UAP1: variants seen among roughly 807,000 people sequenced by gnomAD.
UAP1 encodes UDP-N-acetylglucosamine pyrophosphorylase 1.
Under a neutral mutation model 58.5 loss-of-function variants are expected in UAP1, and 25 were observed. The ratio of observed to expected loss-of-function variants is 0.43; its 90% confidence interval spans 0.31 to 0.60. The LOEUF (loss-of-function observed/expected upper bound fraction) is 0.60. Among genes scored for constraint, UAP1 ranks in the 20% least tolerant of loss-of-function variants. The probability of loss-of-function intolerance (pLI) is 0.11; values close to 1 mark genes in which losing one functional copy is unlikely to be tolerated. For synonymous variants in UAP1, 208 were observed against 213.0 expected, an observed-to-expected ratio of 0.98 and a Z score of 0.21; for missense variants, 575 against 630.0, an observed-to-expected ratio of 0.91 and a Z score of 0.93.
rs1654235310 is a variant in UAP1, at chr1:162,577,088, G to T, written c.485+107G>T. ...CACAGACATATTTCTTGTTACTGTT[G>T]ATTTTCTTGGGAGGTATAATTTACT... On this transcript the variant is annotated intron_variant, in intron 3 of 10. Transcript: ENST00000271469. 2.7e-6 allele frequency: 3 copies of T among 1,096,742 alleles called. No individual in the cohort carries two copies. In the South Asian group the frequency reaches 4.7e-5, roughly 17 times the overall value. The allele number at this position is 1,096,742 out of a possible 1,614,324, so 67.9% of individuals were successfully genotyped here.
At chr1:162,582,107 C>T (rs1654629308) in intron 5 of UAP1, among the ~76,000 whole-genome samples, 3 of 152,036 alleles carry the variant, frequency 2.0e-5, no homozygotes, top group Admixed American at 2.0e-4. Context: ...ATAAAATAGA[C>T]AGCAAACATG....
intron 2 of UAP1, among the ~76,000 whole-genome samples, chr1:162,574,009 C>T (rs550554274): frequency 6.6e-6 from 1 of 150,816 alleles, no homozygotes; most frequent in Non-Finnish European, 1.5e-5. Flanking sequence ...GAATAATGTT[C>T]TTGGACTATA....
chr1:162,585,593 T>C (rs953619140), intron 5 of UAP1, among the ~76,000 whole-genome samples: 1 of 152,218 alleles, frequency 6.6e-6, no homozygotes, highest in Non-Finnish European at 1.5e-5. Flanking sequence ...ATAATATAAA[T>C]GGATTCCCAC....
chr1:162,570,236 A>C (rs555301448), intron 2 of UAP1, among the ~76,000 whole-genome samples: 1 of 152,312 alleles, frequency 6.6e-6, no homozygotes, highest in South Asian at 2.1e-4. Context: ...TGATTCCACC[A>C]TACAGAGATA....
At chr1:162,597,527 G>A (rs764951373) in intron 9 of UAP1, 2 of 401,568 alleles carry the variant, frequency 5.0e-6, no homozygotes, top group Admixed American at 4.2e-5. Context: ...TATGTAAGGG[G>A]ACAGTGTGTA....
intron 8 of UAP1, among the ~76,000 whole-genome samples, chr1:162,592,349 A>G (rs781581304): frequency 9.2e-5 from 14 of 152,218 alleles, no homozygotes; most frequent in Non-Finnish European, 1.6e-4. Context: ...AGACTGTACC[A>G]CTGCACTCCG....
At chr1:162,582,864 TGA>T (rs925633034) in intron 5 of UAP1, among the ~76,000 whole-genome samples, 3 of 152,218 alleles carry the variant, frequency 2.0e-5, no homozygotes, top group African/African-American at 7.2e-5. Flanking sequence ...ATACAAGTTT[TGA>T]GAGATTAAGC....
chr1:162,596,863 A>G (rs1437739562), intron 9 of UAP1, among the ~76,000 whole-genome samples: 1 of 152,222 alleles, frequency 6.6e-6, no homozygotes, highest in African/African-American at 2.4e-5. Flanking sequence ...TGAAGTGGCA[A>G]ATAACAAAGA....
intron 2 of UAP1, among the ~76,000 whole-genome samples, chr1:162,568,161 A>T (rs182379419): frequency 6.6e-6 from 1 of 152,174 alleles, no homozygotes; most frequent in African/African-American, 2.4e-5. Context: ...CTTATAGTCT[A>T]TATTTACAAC....
intron 6 of UAP1, 104 bp downstream of exon 6, chr1:162,587,772 C>T: frequency 2.7e-6 from 3 of 1,120,362 alleles, no homozygotes; most frequent in Non-Finnish European, 3.8e-6. Context: ...CCACAGAATT[C>T]ATCTTTCCTG....
intron 2 of UAP1, among the ~76,000 whole-genome samples, chr1:162,573,729 C>T (rs1654005625): frequency 6.6e-6 from 1 of 152,038 alleles, no homozygotes; most frequent in African/African-American, 2.4e-5. Context: ...CTTTGGGAGG[C>T]TGAGGTGGGC....
In UAP1 at chr1:162,588,550, T is replaced by G. The variant is rs1176717909; in HGVS notation, c.1029-143T>G. On this transcript the variant is annotated intron_variant, in intron 6 of 10. Transcript: ENST00000271469. ...TGGGGGAAAGCTATTCATTTACTAT[T>G]TAAATATGAACTGAAACTTAAATGC... The G allele has an allele frequency of 9.1e-6, 7 of 772,384 alleles. No individual in the cohort carries two copies. The Admixed American group carries it at 2.2e-4, about 24-fold the overall frequency. 47.8% of individuals were successfully genotyped at this position (772,384 alleles called of 1,614,324 possible). A position where few individuals can be genotyped will look rare whatever the true frequency, so the allele number is the denominator to read the frequency against.
chr1:162,583,196 G>A (rs564496064), intron 5 of UAP1, among the ~76,000 whole-genome samples: 1 of 121,282 alleles, frequency 8.2e-6, no homozygotes, highest in Non-Finnish European at 1.6e-5. Context: ...ACTGTCGCCT[G>A]GGCCGGAGTG....
intron 8 of UAP1, among the ~76,000 whole-genome samples, chr1:162,591,307 A>T (rs1396983148): frequency 6.6e-6 from 1 of 152,172 alleles, no homozygotes; most frequent in Admixed American, 6.6e-5. Context: ...TTGTAGTCCA[A>T]TGGCAGTTTT....
intron 4 of UAP1, among the ~76,000 whole-genome samples, chr1:162,580,175 A>G (rs73030568): frequency 2.0e-5 from 3 of 152,162 alleles, no homozygotes; most frequent in African/African-American, 7.2e-5. Flanking sequence ...CCATATAGCA[A>G]ATATTTTATG....
intron 10 of UAP1, 115 bp downstream of exon 10, chr1:162,597,973 G>T: frequency 1.1e-6 from 1 of 893,348 alleles, no homozygotes. Context: ...TATTTGAGGT[G>T]ATAGATATGT....
exon 11 of UAP1, chr1:162,599,531 T>C (rs912947912): frequency 2.2e-6 from 1 of 452,230 alleles, no homozygotes; most frequent in Non-Finnish European, 3.9e-6. Context: ...TCCAGATGAC[T>C]GAATTTCAGA....
intron 7 of UAP1, 39 bp downstream of exon 7, chr1:162,588,872 C>G: frequency 6.4e-7 from 1 of 1,562,088 alleles, no homozygotes; most frequent in Non-Finnish European, 8.6e-7. Flanking sequence ...AAATAAATGT[C>G]TTAAAATGCT....
chr1:162,573,892 A>T (rs947007409), intron 2 of UAP1, among the ~76,000 whole-genome samples: 4 of 151,826 alleles, frequency 2.6e-5, no homozygotes, highest in Admixed American at 6.6e-5. Context: ...CGAACCCAGG[A>T]GGCAGAGGTT....
Sources: gnomAD v4.1 joint callset for allele counts (sites outside exome capture counted in the v4.1 genomes callset) on GRCh38, gnomAD v4.1.1 for gene constraint, MANE v1.5 for transcripts, NCBI Gene and HGNC (gene_info 2026-07-23, HGNC 2026-07-21) for gene names.